Variants in IRAK2 observed in about 807,000 individuals in gnomAD.
The protein encoded by IRAK2 is interleukin 1 receptor associated kinase 2.
Under a neutral mutation model 72.0 loss-of-function variants are expected in IRAK2, and 57 were observed. That is an observed-to-expected ratio of 0.79 (90% confidence interval 0.64 to 0.99). IRAK2 has a LOEUF of 0.99. IRAK2 is among the 50% of genes least tolerant of loss of function. The probability of loss-of-function intolerance (pLI) is 0.00; values close to 1 mark genes in which losing one functional copy is unlikely to be tolerated. For synonymous variants in IRAK2, 293 were observed against 312.7 expected (o/e 0.94, Z 0.67); for missense variants, 790 against 794.4 (o/e 0.99, Z 0.07).
intron 3 of IRAK2, among the ~76,000 whole-genome samples, chr3:10,200,851 T>A (rs2125151882): frequency 6.6e-6 from 1 of 152,298 alleles, no homozygotes; most frequent in African/African-American, 2.4e-5. Flanking sequence ...TGGTGAGCTA[T>A]GATCACACCA....
intron 2 of IRAK2, among the ~76,000 whole-genome samples, chr3:10,179,587 C>T (rs865869229): frequency 1.1e-4 from 17 of 152,208 alleles, no homozygotes; most frequent in Middle Eastern, 6.8e-3. Flanking sequence ...ATACCCACCA[C>T]CATGCCCGGC....
chr3:10,181,227 G>A lies in IRAK2; in HGVS notation c.277+3207G>A, dbSNP rs1307653571. Among the ~76,000 whole-genome samples, 4 of 152,060 alleles carry A rather than the reference G, an allele frequency of 2.6e-5. No homozygotes were observed. The East Asian group carries it at 5.8e-4, about 22-fold the overall frequency. On this transcript the variant is annotated intron_variant, in intron 2 of 12. Coordinates refer to ENST00000256458, the MANE Select transcript of IRAK2 (RefSeq NM_001570.4). The stretch of plus-strand genomic sequence containing the variant: ...ACCCACCTGAAACCCCTCCCTGCCC[G>A]GTGCTCCTGAGCCGCTGCCGTTCCT...
At chr3:10,168,454 GC>G (rs879138359) in intron 1 of IRAK2, among the ~76,000 whole-genome samples, 1 of 151,928 alleles carries the variant, frequency 6.6e-6, no homozygotes. Context: ...CAGGTGATCT[GC>G]CCGCCTCGGC....
chr3:10,209,845 A>T (rs906932970), intron 4 of IRAK2, among the ~76,000 whole-genome samples, 153 bp downstream of exon 4: 1 of 151,750 alleles, frequency 6.6e-6, no homozygotes, highest in African/African-American at 2.4e-5. Flanking sequence ...CTAAGACTGT[A>T]AGTAGAGGAG....
At chr3:10,226,295 A>G in intron 9 of IRAK2, 76 bp from the exon 10 acceptor site, 1 of 1,240,086 alleles carries the variant, frequency 8.1e-7, no homozygotes, top group African/African-American at 1.5e-5. Context: ...AGAACTGAGA[A>G]GAGAAGACAG....
intron 4 of IRAK2, among the ~76,000 whole-genome samples, chr3:10,210,855 G>GT (rs1246848319): frequency 6.6e-6 from 1 of 151,908 alleles, no homozygotes; most frequent in African/African-American, 2.4e-5. Flanking sequence ...CTACAAAAAA[G>GT]TTTTTTTTGT....
chr3:10,223,556 A>C (rs1697727717), intron 9 of IRAK2, among the ~76,000 whole-genome samples: 1 of 152,264 alleles, frequency 6.6e-6, no homozygotes, highest in Non-Finnish European at 1.5e-5. Flanking sequence ...TGCATTAGGC[A>C]AAGTCAAGCA....
intron 12 of IRAK2, among the ~76,000 whole-genome samples, chr3:10,240,539 C>CCCA: frequency 2.1e-4 from 3 of 14,012 alleles, no homozygotes; most frequent in Non-Finnish European, 1.4e-4. Flanking sequence ...ATTAGGAAGC[C>CCCA]CCCCCCCCCC....
Position 10,234,445 on chromosome 3 carries a change from C to T in IRAK2, c.1273-14C>T. 6.2e-7 allele frequency: 1 copy of T among 1,612,308 alleles called. No individual in the cohort carries two copies. Among genetic ancestry groups the T allele is most frequent in the East Asian group, 2.2e-5 (1 of 44,862 alleles). ...GCAGCTCACGCAAGGGCGTTTCTACCCTTCTTCCCACAGAAGGACTTACTC... is the reference window on the plus strand; with the variant it reads ...GCAGCTCACGCAAGGGCGTTTCTACTCTTCTTCCCACAGAAGGACTTACTC... On this transcript the variant is annotated splice_polypyrimidine_tract_variant and intron_variant, in intron 10 of 12. Transcript: ENST00000256458.
intron 2 of IRAK2, among the ~76,000 whole-genome samples, chr3:10,196,535 C>T (rs911441753): frequency 1.7e-4 from 26 of 152,310 alleles, no homozygotes; most frequent in African/African-American, 5.5e-4. Context: ...TTCTAGACTC[C>T]GAGTTTCAGC....
intron 6 of IRAK2, among the ~76,000 whole-genome samples, chr3:10,213,783 G>C (rs1056917535): frequency 6.6e-6 from 1 of 152,144 alleles, no homozygotes; most frequent in Non-Finnish European, 1.5e-5. Flanking sequence ...CCAGGATTTG[G>C]ATCTACCTGG....
chr3:10,181,086 C>A (rs898916246), intron 2 of IRAK2, among the ~76,000 whole-genome samples: 6 of 152,096 alleles, frequency 3.9e-5, no homozygotes, highest in Non-Finnish European at 7.4e-5. Flanking sequence ...TCATGGTCCT[C>A]CCCATCCCCT....
intron 4 of IRAK2, among the ~76,000 whole-genome samples, chr3:10,209,974 C>T (rs925298443): frequency 8.5e-5 from 13 of 152,170 alleles, no homozygotes; most frequent in African/African-American, 2.9e-4. Context: ...GGCTGGAGTG[C>T]AGTGGCACGA....
Position 10,217,038 on chromosome 3 carries a change from T to G in IRAK2, c.893T>G (p.Leu298Arg), listed in dbSNP as rs1381967516. ...GCAAATGGTTCCCTACAGGACAGAC[T>G]GCAGGGTCAGGTAAGGGACTGGGTC... Reference protein sequence around the residue: ...YMANGSLQDRLQGQGGSDPLP... With the variant: ...YMANGSLQDRRQGQGGSDPLP... The change falls in exon 7 of 13, where the codon CTG becomes CGG. Residue 298 changes from leucine to arginine, a missense_variant. Transcript: ENST00000256458. 6 of 1,611,258 alleles carry G rather than the reference T, an allele frequency of 3.7e-6. No homozygotes were observed. Among genetic ancestry groups the G allele is most frequent in the Non-Finnish European group, 5.1e-6 (6 of 1,177,536 alleles).
chr3:10,178,109 C>G lies in IRAK2; in HGVS notation c.277+89C>G, dbSNP rs1331167032. On this transcript the variant is annotated intron_variant, in intron 2 of 12. Transcript: ENST00000256458. ...TGAGTTGCACTCTCTGGCCTTAATACTTTTTTCCTCTTTTAATTAAAAAAT... is the reference window on the plus strand; with the variant it reads ...TGAGTTGCACTCTCTGGCCTTAATAGTTTTTTCCTCTTTTAATTAAAAAAT... The G allele has an allele frequency of 2.9e-6, 3 of 1,043,220 alleles. No homozygotes were observed. In the African/African-American group the frequency reaches 4.8e-5, roughly 17 times the overall value. The allele number at this position is 1,043,220 out of a possible 1,614,324, so 64.6% of individuals were successfully genotyped here. A position where few individuals can be genotyped will look rare whatever the true frequency, so the allele number is the denominator to read the frequency against.
rs1697715126 is a variant in IRAK2 at position 10,222,728 on chromosome 3, T to C, written c.1106T>C (p.Met369Thr). Reference protein sequence around the residue: ...CPVNKRSKYTMMKTHLLRTSA... With the variant: ...CPVNKRSKYTTMKTHLLRTSA... ...GTCAACAAAAGGTCAAAATACACCA[T>C]GATGAAGACTCACCTGCTCCGGACG... The change falls in exon 9 of 13, where the codon ATG becomes ACG. Residue 369 changes from methionine to threonine, a missense_variant. Coordinates refer to ENST00000256458, the MANE Select transcript of IRAK2 (RefSeq NM_001570.4). 1 of 1,614,048 alleles carries C rather than the reference T, an allele frequency of 6.2e-7. No individual in the cohort carries two copies. The highest frequency in any genetic ancestry group is 1.3e-5 in the African/African-American group (1 of 74,918).
At position 10,221,010 on chromosome 3, in the gene IRAK2, C is replaced by T. The variant is rs145146903; in HGVS notation, c.1013+1221C>T. On this transcript the variant is annotated intron_variant, in intron 8 of 12. Transcript: ENST00000256458. The stretch of plus-strand genomic sequence containing the variant: ...ATGTTTTTTAGTGTCTTAGTCTTCC[C>T]GTGAAGGAATTTGCCCATAATTTAC... Among the ~76,000 whole-genome samples the T allele has an allele frequency of 6.6e-5, 10 of 152,006 alleles. No individual in the cohort carries two copies. In the East Asian group the frequency reaches 1.6e-3, roughly 24 times the overall value.
chr3:10,165,392 C>G (rs970750565), intron 1 of IRAK2, among the ~76,000 whole-genome samples: 1 of 152,080 alleles, frequency 6.6e-6, no homozygotes, highest in Non-Finnish European at 1.5e-5. Flanking sequence ...GTGCGAGCCT[C>G]GACCCTGTAG....
At chr3:10,180,571 C>T (rs1427606751) in intron 2 of IRAK2, among the ~76,000 whole-genome samples, 1 of 152,064 alleles carries the variant, frequency 6.6e-6, no homozygotes, top group African/African-American at 2.4e-5. Flanking sequence ...TGGTGGGAGC[C>T]CCAGACACCT....
Sources: gnomAD v4.1 joint callset for allele counts (sites outside exome capture counted in the v4.1 genomes callset) on GRCh38, gnomAD v4.1.1 for gene constraint, MANE v1.5 for transcripts, NCBI Gene and HGNC (gene_info 2026-07-23, HGNC 2026-07-21) for gene names.